Variants in PCNX2 observed in about 807,000 individuals in gnomAD.
The protein encoded by PCNX2 is pecanex 2, also known as pecanex-like protein 2.
Under a neutral mutation model 223.8 loss-of-function variants are expected in PCNX2, and 168 were observed. That is an observed-to-expected ratio of 0.75 (90% CI 0.66 to 0.85). The LOEUF is 0.85. Ranked by LOEUF, PCNX2 falls within the 40% of genes least tolerant of loss-of-function variation. The pLI, the probability that PCNX2 is intolerant of heterozygous loss-of-function variation, is 0.00. For synonymous variants in PCNX2, 1,006 were observed against 1,052.6 expected (o/e 0.96, Z 0.86); for missense variants, 2,507 against 2,675.5 (o/e 0.94, Z 1.39).
chr1:233,060,996 C>G (rs759747242), intron 23 of PCNX2, among the ~76,000 whole-genome samples: 10 of 152,204 alleles, frequency 6.6e-5, no homozygotes, highest in Non-Finnish European at 8.8e-5. Flanking sequence ...CACCTTCTCT[C>G]TCAGTTTCAT....
chr1:233,263,205 G>T (rs1278335038), intron 1 of PCNX2, 42 bp from the exon 2 acceptor site: 1 of 1,470,844 alleles, frequency 6.8e-7, no homozygotes. Context: ...TTGCTTTTAA[G>T]ATTTTCTTTC....
Position 233,000,208 on chromosome 1 carries a change from C to T in PCNX2, c.5328+97G>A. ...TGAACAGAGGATGCTGGCACAGAGA[C>T]TCCTGTGTCAGTGCCCCCCTGCCCA... On this transcript the variant is annotated intron_variant, in intron 30 of 33. Coordinates refer to ENST00000258229, the MANE Select transcript of PCNX2 (RefSeq NM_014801.4). This position sits in a 1 kb window ranked among gnomAD's most constrained non-coding sequence, Gnocchi z 4.6. The T allele has an allele frequency of 8.4e-7, 1 of 1,183,936 alleles. No individual in the cohort carries two copies. Among genetic ancestry groups the T allele is most frequent in the Non-Finnish European group, 1.3e-6 (1 of 794,570 alleles). 73.3% of individuals were successfully genotyped at this position (1,183,936 alleles called of 1,614,324 possible). A position where few individuals can be genotyped will look rare whatever the true frequency, so the allele number is the denominator to read the frequency against.
chr1:233,274,220 C>T (rs1233053450), intron 1 of PCNX2, among the ~76,000 whole-genome samples: 2 of 152,166 alleles, frequency 1.3e-5, no homozygotes, highest in African/African-American at 4.8e-5. Context: ...TAACAGTCAC[C>T]TTCCTTCTTT....
At chr1:233,117,692 A>T (rs576840892) in intron 21 of PCNX2, among the ~76,000 whole-genome samples, 1 of 151,784 alleles carries the variant, frequency 6.6e-6, no homozygotes, top group East Asian at 2.0e-4. Context: ...ACAAGATATT[A>T]ACAAATAGCA....
intron 31 of PCNX2, among the ~76,000 whole-genome samples, chr1:232,998,779 T>C (rs968961178): frequency 6.6e-6 from 1 of 152,226 alleles, no homozygotes; most frequent in African/African-American, 2.4e-5. Flanking sequence ...ATGAGAAATG[T>C]GTGCTGGGGA....
At chr1:233,075,738 C>CAA (rs754312177) in intron 23 of PCNX2, among the ~76,000 whole-genome samples, 5 of 147,836 alleles carry the variant, frequency 3.4e-5, no homozygotes, top group African/African-American at 1.0e-4. Context: ...CACACACACA[C>CAA]AACAGAAAAG....
intron 25 of PCNX2, among the ~76,000 whole-genome samples, chr1:233,036,502 C>T (rs1165659764): frequency 1.3e-5 from 2 of 151,848 alleles, no homozygotes; most frequent in Non-Finnish European, 2.9e-5. Context: ...TGGTGGTGCA[C>T]ACCTGTAGTC....
chr1:233,057,331 C>T (rs776159361), intron 23 of PCNX2, 41 bp from the exon 24 acceptor site: 4 of 1,490,536 alleles, frequency 2.7e-6, no homozygotes, highest in Admixed American at 1.8e-5. Flanking sequence ...ATGATTAGAT[C>T]CCCCCAAGCA....
intron 32 of PCNX2, among the ~76,000 whole-genome samples, chr1:232,993,049 A>G (rs1315863683): frequency 2.0e-5 from 3 of 152,340 alleles, no homozygotes; most frequent in Middle Eastern, 3.4e-3. Context: ...AATTGGTACC[A>G]GCAGAGTGGG....
intron 25 of PCNX2, among the ~76,000 whole-genome samples, chr1:233,043,539 A>C (rs1671717571): frequency 6.7e-6 from 1 of 148,574 alleles, no homozygotes; most frequent in African/African-American, 2.5e-5. Context: ...TATATCTCCT[A>C]AAGCTATCCC....
rs577388387 is a variant in PCNX2 at position 233,280,125 on chromosome 1, T to A, written c.153+15201A>T. 5.3e-5 allele frequency among the ~76,000 whole-genome samples: 8 copies of A among 152,306 alleles called. No individual in the cohort carries two copies. In the East Asian group the frequency reaches 1.5e-3, roughly 29 times the overall value. ...TATTTTCTCATTCCTTTTTTACAGCTGTGTACTACTCCACTGTAGGACGTA... is the reference window on the plus strand; with the variant it reads ...TATTTTCTCATTCCTTTTTTACAGCAGTGTACTACTCCACTGTAGGACGTA... On this transcript the variant is annotated intron_variant, in intron 1 of 33. Transcript: ENST00000258229.
chr1:233,235,002 T>A (rs1301951893), intron 9 of PCNX2, among the ~76,000 whole-genome samples: 1 of 151,300 alleles, frequency 6.6e-6, no homozygotes, highest in Non-Finnish European at 1.5e-5. Flanking sequence ...GAGTGGCAGA[T>A]CCAGCACCTC....
chr1:233,039,274 A>G (rs553223063), intron 25 of PCNX2, among the ~76,000 whole-genome samples: 2 of 152,074 alleles, frequency 1.3e-5, no homozygotes, highest in South Asian at 4.2e-4. Context: ...TTCCCTCTCA[A>G]GCAGGGAGTC....
intron 8 of PCNX2, among the ~76,000 whole-genome samples, chr1:233,250,239 T>C (rs144764897): frequency 6.7e-6 from 1 of 149,042 alleles, no homozygotes; most frequent in Non-Finnish European, 1.5e-5. Flanking sequence ...GTCCCAGATA[T>C]GCAAACTAAT....
intron 12 of PCNX2, among the ~76,000 whole-genome samples, chr1:233,215,674 G>A (rs553674655): frequency 2.0e-5 from 3 of 152,170 alleles, no homozygotes; most frequent in Non-Finnish European, 4.4e-5. Flanking sequence ...GAAAAACAGC[G>A]ACACTGAAGT....
At chr1:233,053,154 C>A (rs1386251041) in intron 25 of PCNX2, among the ~76,000 whole-genome samples, 1 of 152,066 alleles carries the variant, frequency 6.6e-6, no homozygotes, top group African/African-American at 2.4e-5. Context: ...TAGAGAATAA[C>A]ATATAGTCCC....
chr1:233,291,871 G>A, intron 1 of PCNX2: 1 of 985,022 alleles, frequency 1.0e-6, no homozygotes, highest in African/African-American at 1.7e-5. Flanking sequence ...TATTTGACAT[G>A]AGGCTAGTGC....
At chr1:233,048,467 A>T (rs1462233662) in intron 25 of PCNX2, among the ~76,000 whole-genome samples, 1 of 152,208 alleles carries the variant, frequency 6.6e-6, no homozygotes, top group Non-Finnish European at 1.5e-5. Flanking sequence ...TAAACAAATA[A>T]AAACAGAGAC....
Position 233,135,094 on chromosome 1 carries a change from G to A in PCNX2, c.3756C>T (p.Val1252=), listed in dbSNP as rs777677274. The change falls in exon 21 of 34, where the codon GTC becomes GTT. Residue 1252 remains valine (V), a synonymous_variant. Coordinates refer to ENST00000258229, the MANE Select transcript of PCNX2 (RefSeq NM_014801.4). Reference sequence around the variant, plus strand: ...CTTTGTAGTCAAAGTGGAAAAAGATGACAGTGAAGCTCAAGTTAATAAACT... The same window carrying A: ...CTTTGTAGTCAAAGTGGAAAAAGATAACAGTGAAGCTCAAGTTAATAAACT... ...VYQFINLSFT[V]IFFHFDYKDI... 1.2e-6 allele frequency: 2 copies of A among 1,612,886 alleles called. No homozygotes were observed. The highest frequency in any genetic ancestry group is 1.7e-6 in the Non-Finnish European group (2 of 1,178,870).
Sources: allele counts gnomAD v4.1 joint callset (sites outside exome capture counted in the v4.1 genomes callset), GRCh38; gene constraint gnomAD v4.1.1; non-coding constraint Gnocchi (gnomAD v3.1); transcripts MANE v1.5; gene names NCBI Gene and HGNC (gene_info 2026-07-23, HGNC 2026-07-21).